Variants in PLEK observed in about 807,000 individuals in gnomAD.
The protein encoded by PLEK is platelet 47 kDa protein.
A neutral mutation model predicts 43.9 loss-of-function variants in PLEK; 25 were observed. That is an observed-to-expected ratio of 0.57 (90% CI 0.41 to 0.79). The LOEUF (loss-of-function observed/expected upper bound fraction) is 0.79, where lower values mean the gene tolerates loss of function less well. Ranked by LOEUF, PLEK falls within the 30% of genes least tolerant of loss-of-function variation. PLEK has a pLI of 0.00. For synonymous variants in PLEK, 152 were observed against 144.4 expected, an observed-to-expected ratio of 1.05 and a Z score of -0.38; for missense variants, 396 against 413.3, an observed-to-expected ratio of 0.96 and a Z score of 0.36.
rs777564856 is a variant in PLEK at position 68,365,351 on chromosome 2, C to T, written c.-1C>T. 2 of 1,613,494 alleles carry T rather than the reference C, an allele frequency of 1.2e-6. No individual in the cohort carries two copies. Among genetic ancestry groups the T allele is most frequent in the East Asian group, 2.2e-5 (1 of 44,874 alleles). ...CCTTTGCATCTGCCTGTCCAGCCAG[C>T]ATGGAACCAAAGCGGATCAGAGAGG... On this transcript the variant is annotated 5_prime_UTR_variant, in exon 1 of 9. Transcript: ENST00000234313.
At chr2:68,395,536 T>C in intron 8 of PLEK, 144 bp from the exon 9 acceptor site, 1 of 796,810 alleles carries the variant, frequency 1.3e-6, no homozygotes, top group Admixed American at 1.9e-5. Context: ...CCTATAATCA[T>C]ACCTTGTTTG....
Position 68,390,005 on chromosome 2 carries a change from T to A in PLEK, c.762+1514T>A, listed in dbSNP as rs558058529. Among the ~76,000 whole-genome samples, 17 of 149,494 alleles carry A rather than the reference T, an allele frequency of 1.1e-4. 1 individual carries two copies. In the South Asian group the frequency reaches 3.7e-3, roughly 32 times the overall value. The stretch of plus-strand genomic sequence containing the variant: ...TTAGTTGATTGGGCAAACCCTAATC[T>A]AGAATGGGGCTCTTGGAAAGCCAAG... On this transcript the variant is annotated intron_variant, in intron 6 of 8. Coordinates refer to ENST00000234313, the MANE Select transcript of PLEK (RefSeq NM_002664.3).
At chr2:68,372,682 T>TACACACACACATGC (rs1188253040) in intron 1 of PLEK, among the ~76,000 whole-genome samples, 3 of 151,932 alleles carry the variant, frequency 2.0e-5, no homozygotes, top group Admixed American at 2.0e-4. Flanking sequence ...ACATATATGC[T>TACACACACACATGC]ACACACACAC....
intron 8 of PLEK, 62 bp downstream of exon 8, chr2:68,394,238 A>C: frequency 2.2e-6 from 2 of 918,486 alleles, no homozygotes; most frequent in South Asian, 1.3e-5. Context: ...ACACCTGGAC[A>C]TCCTGGGCCA....
chr2:68,382,086 A>G (rs745513435), intron 3 of PLEK, among the ~76,000 whole-genome samples: 6 of 152,218 alleles, frequency 3.9e-5, no homozygotes. Flanking sequence ...TAGTGGAAGC[A>G]TTCACTTTCT....
At chr2:68,365,577 GC>G in intron 1 of PLEK, 184 bp downstream of exon 1, 1 of 548,532 alleles carries the variant, frequency 1.8e-6, no homozygotes, top group Non-Finnish European at 3.3e-6. Context: ...TACTCATCCA[GC>G]CCCGGCTTCC....
At position 68,393,163 on chromosome 2, in the gene PLEK, G is replaced by A; in HGVS notation, c.764G>A (p.Gly255Glu). The part of the protein sequence containing the change: ...IIKQGCLLKQ[G>E]HRRKNWKVRK... The stretch of plus-strand genomic sequence containing the variant: ...TTTTAATGTTGATCCTGGATACAGG[G>A]GCATAGAAGGAAAAACTGGAAAGTG... The change falls in exon 7 of 9, where the codon GGG becomes GAG. Residue 255 changes from glycine to glutamate, a missense_variant and splice_region_variant. By Grantham distance (98) the Gly-to-Glu change is moderately conservative. Coordinates refer to ENST00000234313, the MANE Select transcript of PLEK (RefSeq NM_002664.3). The A allele has an allele frequency of 1.9e-6, 3 of 1,600,484 alleles. No individual in the cohort carries two copies. The highest frequency in any genetic ancestry group is 1.1e-5 in the South Asian group (1 of 90,804).
intron 6 of PLEK, among the ~76,000 whole-genome samples, chr2:68,390,395 A>G (rs1437323330): frequency 1.3e-5 from 2 of 152,176 alleles, no homozygotes; most frequent in Non-Finnish European, 2.9e-5. Flanking sequence ...CTTAAAAGCT[A>G]ATTTATTCTA....
At chr2:68,382,512 T>G (rs1673645061) in intron 3 of PLEK, 30 bp from the exon 4 acceptor site, 1 of 1,319,344 alleles carries the variant, frequency 7.6e-7, no homozygotes, top group African/African-American at 1.5e-5. Flanking sequence ...TTTTGTTTGT[T>G]TGTTTGTTTG....
At chr2:68,384,932 T>C (rs758967569) in intron 4 of PLEK, among the ~76,000 whole-genome samples, 1 of 152,210 alleles carries the variant, frequency 6.6e-6, no homozygotes, top group Non-Finnish European at 1.5e-5. Flanking sequence ...TTAGTTTATC[T>C]TTGTAGAGAA....
chr2:68,395,396 G>C (rs1454168856), intron 8 of PLEK, among the ~76,000 whole-genome samples: 1 of 152,016 alleles, frequency 6.6e-6, no homozygotes, highest in Non-Finnish European at 1.5e-5. Context: ...AATTTAGTTT[G>C]CCTGTAAACT....
intron 1 of PLEK, among the ~76,000 whole-genome samples, chr2:68,373,362 C>T (rs536536182): frequency 6.6e-6 from 1 of 152,042 alleles, no homozygotes. Flanking sequence ...GACACATCCT[C>T]CTCAGAGTCA....
chr2:68,383,708 T>C (rs1247262516), intron 4 of PLEK, among the ~76,000 whole-genome samples: 1 of 152,152 alleles, frequency 6.6e-6, no homozygotes, highest in Non-Finnish European at 1.5e-5. Flanking sequence ...AGGCCTGGCT[T>C]TCTTATGGTG....
chr2:68,386,623 G>T lies in PLEK; in HGVS notation c.594G>T (p.Lys198Asn), dbSNP rs1673749099. The T allele has an allele frequency of 6.2e-7, 1 of 1,614,066 alleles. No homozygotes were observed. The highest frequency in any genetic ancestry group is 8.5e-7 in the Non-Finnish European group (1 of 1,179,912). ...GYLQPAGDMS[K>N]SAVDGTAENP... Reference sequence around the variant, plus strand: ...TGCAGCCTGCTGGAGACATGTCCAAGAGTGCAGTGGATGGAACTGCTGAAA... The same window carrying T: ...TGCAGCCTGCTGGAGACATGTCCAATAGTGCAGTGGATGGAACTGCTGAAA... The change falls in exon 5 of 9, where the codon AAG becomes AAT. Residue 198 changes from lysine to asparagine, a missense_variant. Lys to Asn is a moderately conservative substitution (Grantham distance 94). Transcript: ENST00000234313.
intron 4 of PLEK, among the ~76,000 whole-genome samples, chr2:68,385,696 T>A (rs76283206): frequency 1.3e-5 from 2 of 152,348 alleles, no homozygotes; most frequent in East Asian, 3.9e-4. Flanking sequence ...TCCTGCTTCA[T>A]ATGCTTGGCA....
intron 1 of PLEK, among the ~76,000 whole-genome samples, chr2:68,375,488 T>A (rs1411128561): frequency 6.6e-6 from 1 of 152,270 alleles, no homozygotes; most frequent in East Asian, 1.9e-4. Flanking sequence ...GCACAGTGTC[T>A]GATCTTGCTC....
Position 68,395,737 on chromosome 2 carries a change from A to G in PLEK, c.974A>G (p.Tyr325Cys). The G allele has an allele frequency of 1.2e-6, 2 of 1,613,848 alleles. No homozygotes were observed. Among genetic ancestry groups the G allele is most frequent in the South Asian group, 2.2e-5 (2 of 91,082 alleles). ...FEIITADEVH[Y>C]FLQAATPKER... ...ATCATCACAGCAGATGAAGTGCACT[A>G]TTTCTTGCAAGCAGCCACCCCCAAG... is the stretch of plus-strand genomic sequence containing the variant. Residue 325 changes from tyrosine (Y) to cysteine (C), a missense_variant, in exon 9 of 9, where the codon TAT (tyrosine) becomes TGT (cysteine). Transcript: ENST00000234313.
At chr2:68,377,365 G>A (rs1225754673) in intron 1 of PLEK, among the ~76,000 whole-genome samples, 2 of 152,058 alleles carry the variant, frequency 1.3e-5, no homozygotes, top group Non-Finnish European at 2.9e-5. Flanking sequence ...CATAGTGTTT[G>A]TACTAATTTA....
At position 68,393,245 on chromosome 2, in the gene PLEK, G is replaced by A; in HGVS notation, c.846G>A (p.Gly282=). The A allele has an allele frequency of 6.3e-7, 1 of 1,587,050 alleles. No individual in the cohort carries two copies. The highest frequency in any genetic ancestry group is 8.7e-7 in the Non-Finnish European group (1 of 1,155,576). The change falls in exon 7 of 9, where the codon GGG becomes GGA. Residue 282 remains glycine (G), a splice_region_variant and synonymous_variant. Transcript: ENST00000234313. ...PAYLHYYDPA[G]AEDPLGAIHL... is the part of the protein sequence containing the mutation. The stretch of plus-strand genomic sequence containing the variant: ...ACCTGCACTACTATGACCCTGCTGG[G>A]GTAAGGTCCTGTGGTTCATAAATCC...
Sources: gnomAD v4.1 joint callset for allele counts (sites outside exome capture counted in the v4.1 genomes callset) on GRCh38, gnomAD v4.1.1 for gene constraint, MANE v1.5 for transcripts, NCBI Gene and HGNC (gene_info 2026-07-23, HGNC 2026-07-21) for gene names.